The following GPD1L variants were observed in gnomAD, a reference collection of about 807,000 sequenced individuals.
The protein encoded by GPD1L is glycerol-3-phosphate dehydrogenase 1-like protein.
A neutral mutation model predicts 32.9 loss-of-function variants in GPD1L; 17 were observed. That is an observed-to-expected ratio of 0.52 (90% CI 0.35 to 0.78). GPD1L has a LOEUF of 0.78. Among genes scored for constraint, GPD1L ranks in the 30% least tolerant of loss-of-function variants. The probability of loss-of-function intolerance (pLI) is 0.01; values close to 1 mark genes in which losing one functional copy is unlikely to be tolerated. For missense variants in GPD1L, 361 were observed against 447.8 expected, an observed-to-expected ratio of 0.81 and a Z score of 1.75; for synonymous variants, 187 against 165.9, an observed-to-expected ratio of 1.13 and a Z score of -0.98.
intron 1 of GPD1L, among the ~76,000 whole-genome samples, chr3:32,112,804 C>T (rs758339555): frequency 4.6e-5 from 7 of 152,018 alleles, no homozygotes; most frequent in Non-Finnish European, 1.0e-4. Context: ...TTATCATTTT[C>T]TGTGTGTCAT....
intron 1 of GPD1L, among the ~76,000 whole-genome samples, chr3:32,117,559 G>T (rs369214691): frequency 1.3e-5 from 2 of 152,284 alleles, no homozygotes; most frequent in East Asian, 3.9e-4. Flanking sequence ...ATGCGGGCAG[G>T]GGTGTATAGT....
intron 1 of GPD1L, among the ~76,000 whole-genome samples, chr3:32,116,734 G>T (rs1401299056): frequency 2.0e-5 from 3 of 152,168 alleles, no homozygotes; most frequent in Admixed American, 2.0e-4. Context: ...CATCTGTGAG[G>T]CCTTGACTGA....
At chr3:32,107,021 C>T (rs1391433742) in intron 1 of GPD1L, among the ~76,000 whole-genome samples, 1 of 152,218 alleles carries the variant, frequency 6.6e-6, no homozygotes, top group Non-Finnish European at 1.5e-5. Flanking sequence ...CCTGTCTGCG[C>T]CCCCGTTACT....
At chr3:32,107,566 A>G (rs1244886748) in intron 1 of GPD1L, among the ~76,000 whole-genome samples, 1 of 152,094 alleles carries the variant, frequency 6.6e-6, no homozygotes, top group African/African-American at 2.4e-5. Context: ...GCCTTTTTTC[A>G]TTGCTGTACA....
intron 5 of GPD1L, among the ~76,000 whole-genome samples, chr3:32,154,616 A>G (rs1700962353): frequency 6.6e-6 from 1 of 152,154 alleles, no homozygotes; most frequent in Non-Finnish European, 1.5e-5. Context: ...TCAGTTTCCT[A>G]TCATGTTCCC....
In GPD1L at chr3:32,106,641, C is replaced by G; in HGVS notation, c.-71C>G. 7.2e-7 allele frequency: 1 copy of G among 1,397,294 alleles called. No individual in the cohort carries two copies. The highest frequency in any genetic ancestry group is 1.5e-5 in the African/African-American group (1 of 67,978). The allele number at this position is 1,397,294 out of a possible 1,614,324, so 86.6% of individuals were successfully genotyped here. On this transcript the variant is annotated 5_prime_UTR_variant, in exon 1 of 8. Coordinates refer to ENST00000282541, the MANE Select transcript of GPD1L (RefSeq NM_015141.4). This position sits in a 1 kb window ranked among gnomAD's most constrained non-coding sequence, Gnocchi z 4.0. ...CGGGGCCGCCGCCAGCCGCTGCGGGCAAGGCTGAACAGGCGGAGGTGGGCA... is the reference window on the plus strand; with the variant it reads ...CGGGGCCGCCGCCAGCCGCTGCGGGGAAGGCTGAACAGGCGGAGGTGGGCA...
At chr3:32,109,206 C>A (rs959285458) in intron 1 of GPD1L, among the ~76,000 whole-genome samples, 1 of 152,218 alleles carries the variant, frequency 6.6e-6, no homozygotes, top group Non-Finnish European at 1.5e-5. Context: ...CCCCTGTTGG[C>A]CATGCCACTT....
intron 1 of GPD1L, among the ~76,000 whole-genome samples, chr3:32,109,051 A>G (rs918929452): frequency 6.6e-6 from 1 of 152,064 alleles, no homozygotes; most frequent in Non-Finnish European, 1.5e-5. Flanking sequence ...GGGTTTCACC[A>G]TGTTAGCCAG....
At chr3:32,156,974 G>T (rs1416837365) in intron 5 of GPD1L, among the ~76,000 whole-genome samples, 1 of 152,032 alleles carries the variant, frequency 6.6e-6, no homozygotes, top group Non-Finnish European at 1.5e-5. Context: ...TTGCTAGTGT[G>T]GTTAGACAGT....
intron 6 of GPD1L, 149 bp from the exon 7 acceptor site, chr3:32,159,419 C>A: frequency 3.0e-6 from 2 of 661,772 alleles, no homozygotes; most frequent in Non-Finnish European, 5.2e-6. Flanking sequence ...TTGCTTTAGG[C>A]CGCAAGTTCG....
chr3:32,142,334 G>C (rs1700757070), intron 4 of GPD1L, among the ~76,000 whole-genome samples: 1 of 152,048 alleles, frequency 6.6e-6, no homozygotes, highest in South Asian at 2.1e-4. Context: ...GGCCAGGATG[G>C]TCTTGATCTC....
At chr3:32,141,242 C>T (rs760794042) in intron 4 of GPD1L, among the ~76,000 whole-genome samples, 3 of 152,034 alleles carry the variant, frequency 2.0e-5, no homozygotes, top group African/African-American at 7.3e-5. Flanking sequence ...CCTGCCTATA[C>T]GTAGGACTTT....
intron 5 of GPD1L, among the ~76,000 whole-genome samples, chr3:32,153,373 A>G (rs542288572): frequency 3.1e-4 from 48 of 152,390 alleles, no homozygotes; most frequent in African/African-American, 1.1e-3. Context: ...GAGTCACAGT[A>G]ACTACATTTT....
rs564581991 is a variant in GPD1L at position 32,122,139 on chromosome 3, G to A, written c.48-5937G>A. Among the ~76,000 whole-genome samples the A allele has an allele frequency of 5.3e-5, 8 of 152,288 alleles. No individual in the cohort carries two copies. The South Asian group carries it at 1.7e-3, about 32-fold the overall frequency. On this transcript the variant is annotated intron_variant, in intron 1 of 7. Transcript: ENST00000282541. The stretch of plus-strand genomic sequence containing the variant: ...CTGTTTACCAGTCTCCAAGCTCCAT[G>A]AGGATGGGGACTTGTCTGCGTTCAT...
At position 32,138,397 on chromosome 3, in the gene GPD1L, A is replaced by G. The variant is rs556469075; in HGVS notation, c.226-190A>G. 2.0e-5 allele frequency among the ~76,000 whole-genome samples: 3 copies of G among 152,300 alleles called. No individual in the cohort carries two copies. In the South Asian group the frequency reaches 6.2e-4, roughly 32 times the overall value. ...AACTCACCTGCCCAGCTGGTGACAG[A>G]GGCAAACCCTCTGCTTCAGACCCCC... On this transcript the variant is annotated intron_variant, in intron 2 of 7. Transcript: ENST00000282541.
intron 7 of GPD1L, among the ~76,000 whole-genome samples, chr3:32,163,998 C>G (rs575804469): frequency 1.3e-5 from 2 of 152,218 alleles, no homozygotes; most frequent in African/African-American, 4.8e-5. Flanking sequence ...CTTTTACACT[C>G]AGGAAGGGAA....
At chr3:32,127,696 T>C (rs1169137839) in intron 1 of GPD1L, among the ~76,000 whole-genome samples, 3 of 152,238 alleles carry the variant, frequency 2.0e-5, no homozygotes, top group Non-Finnish European at 4.4e-5. Flanking sequence ...CCTGTTGCAG[T>C]TCATCAAGAC....
chr3:32,123,543 G>T (rs1048624348), intron 1 of GPD1L, among the ~76,000 whole-genome samples: 1 of 152,060 alleles, frequency 6.6e-6, no homozygotes, highest in Non-Finnish European at 1.5e-5. Flanking sequence ...CACTGGATTC[G>T]ATCATAGACC....
Position 32,130,699 on chromosome 3 carries a change from G to A in GPD1L, c.225+2446G>A, listed in dbSNP as rs559026994. ...TCATTATTTTCTGAAGGCCGGTTGCGGTGGCTCACACCTGTAATCCCAGCA... is the reference window on the plus strand; with the variant it reads ...TCATTATTTTCTGAAGGCCGGTTGCAGTGGCTCACACCTGTAATCCCAGCA... On this transcript the variant is annotated intron_variant, in intron 2 of 7. Transcript: ENST00000282541. Among the ~76,000 whole-genome samples the A allele has an allele frequency of 5.3e-5, 8 of 151,758 alleles. No homozygotes were observed. In the South Asian group the frequency reaches 1.0e-3, roughly 20 times the overall value.
Sources: gnomAD v4.1 joint callset for allele counts (sites outside exome capture counted in the v4.1 genomes callset) on GRCh38, gnomAD v4.1.1 for gene constraint, Gnocchi (gnomAD v3.1) non-coding constraint, MANE v1.5 for transcripts, NCBI Gene and HGNC (gene_info 2026-07-23, HGNC 2026-07-21) for gene names.